Variants in PPP1R8 observed in about 807,000 individuals in gnomAD.
PPP1R8 encodes protein phosphatase 1 regulatory subunit 8.
PPP1R8 carries 4 observed loss-of-function variants against 31.3 expected under a neutral mutation model. The observed-to-expected ratio is 0.13, with a 90% CI of 0.06 to 0.29. PPP1R8 has a LOEUF of 0.29. Ranked by LOEUF, PPP1R8 falls within the 10% of genes least tolerant of loss-of-function variation. The pLI is 1.00. For missense variants in PPP1R8, 254 were observed against 440.1 expected, an observed-to-expected ratio of 0.58 and a Z score of 3.78; for synonymous variants, 170 against 169.7, an observed-to-expected ratio of 1.00 and a Z score of -0.01.
chr1:27,834,748 C>T (rs982534621), intron 2 of PPP1R8, among the ~76,000 whole-genome samples: 3 of 152,128 alleles, frequency 2.0e-5, no homozygotes, highest in African/African-American at 7.2e-5. Context: ...GGTGCGGTGG[C>T]GGCTCACACC....
At chr1:27,845,673 A>G (rs1350362170) in intron 5 of PPP1R8, among the ~76,000 whole-genome samples, 1 of 151,974 alleles carries the variant, frequency 6.6e-6, no homozygotes, top group Non-Finnish European at 1.5e-5. Context: ...ATGTGAAAAA[A>G]TCCAGACTTA....
At chr1:27,837,153 C>T (rs1420764915) in intron 2 of PPP1R8, among the ~76,000 whole-genome samples, 1 of 152,054 alleles carries the variant, frequency 6.6e-6, no homozygotes, top group Non-Finnish European at 1.5e-5. Flanking sequence ...GATCTCAGGC[C>T]AGGCACGGTG....
chr1:27,849,228 A>T (rs1381180481), intron 6 of PPP1R8, among the ~76,000 whole-genome samples: 1 of 151,912 alleles, frequency 6.6e-6, no homozygotes. Context: ...AAAATTAGCC[A>T]GGCGTGGTGG....
chr1:27,836,899 T>C (rs1399804239), intron 2 of PPP1R8, among the ~76,000 whole-genome samples: 1 of 152,048 alleles, frequency 6.6e-6, no homozygotes, highest in Non-Finnish European at 1.5e-5. Flanking sequence ...CAAAAATACT[T>C]TGGGACTATG....
chr1:27,831,734 T>C (rs2089110720), intron 1 of PPP1R8, among the ~76,000 whole-genome samples: 2 of 152,160 alleles, frequency 1.3e-5, no homozygotes, highest in Admixed American at 1.3e-4. Flanking sequence ...CATTCCTCCT[T>C]TTTCCTGGAC....
At chr1:27,836,072 T>G (rs1264311069) in intron 2 of PPP1R8, among the ~76,000 whole-genome samples, 1 of 152,272 alleles carries the variant, frequency 6.6e-6, no homozygotes, top group Non-Finnish European at 1.5e-5. Flanking sequence ...GAATGAAATA[T>G]AAGCTTCTTG....
chr1:27,842,753 C>A (rs2089235366), intron 4 of PPP1R8, among the ~76,000 whole-genome samples: 1 of 152,148 alleles, frequency 6.6e-6, no homozygotes, highest in Non-Finnish European at 1.5e-5. Flanking sequence ...AGGAAGCAGC[C>A]AGTTGTCCTT....
chr1:27,837,749 T>C (rs1206339693), intron 2 of PPP1R8, among the ~76,000 whole-genome samples: 1 of 147,006 alleles, frequency 6.8e-6, no homozygotes, highest in Non-Finnish European at 1.5e-5. Context: ...CACTCCAGAC[T>C]GGGCGACAGA....
At chr1:27,842,231 A>G (rs894433828) in intron 4 of PPP1R8, among the ~76,000 whole-genome samples, 2 of 151,792 alleles carry the variant, frequency 1.3e-5, no homozygotes, top group Non-Finnish European at 2.9e-5. Flanking sequence ...AATCCCAGCT[A>G]CTCAGGAGGC....
chr1:27,849,829 C>G (rs2148621251), intron 6 of PPP1R8, among the ~76,000 whole-genome samples: 1 of 152,302 alleles, frequency 6.6e-6, no homozygotes, highest in South Asian at 2.1e-4. Flanking sequence ...ACTCACAACA[C>G]CATCCTTGGC....
chr1:27,833,022 C>T (rs1291067921), intron 2 of PPP1R8, among the ~76,000 whole-genome samples: 2 of 152,060 alleles, frequency 1.3e-5, no homozygotes, highest in Non-Finnish European at 2.9e-5. Context: ...TGTGACTTCT[C>T]TCAAATGAAG....
At chr1:27,832,691 C>A in intron 1 of PPP1R8, 65 bp from the exon 2 acceptor site, 1 of 1,378,780 alleles carries the variant, frequency 7.3e-7, no homozygotes, top group Admixed American at 1.9e-5. Flanking sequence ...TTGAATGGGA[C>A]AATGGTTGTA....
Position 27,851,466 on chromosome 1 carries a change from C to A in PPP1R8, c.*1020C>A. 2.2e-6 allele frequency: 1 copy of A among 446,736 alleles called. No homozygotes were observed. Among genetic ancestry groups the A allele is most frequent in the South Asian group, 1.6e-5 (1 of 63,856 alleles). The allele number at this position is 446,736 out of a possible 1,614,324, so 27.7% of individuals were successfully genotyped here. A position where few individuals can be genotyped will look rare whatever the true frequency, so the allele number is the denominator to read the frequency against. ...CATTTGTGTAATAGGCCTTTTCATG[C>A]TTTATGTGTAGCTTTTTACCTGTAA... is the stretch of plus-strand genomic sequence containing the variant. On this transcript the variant is annotated 3_prime_UTR_variant, in exon 7 of 7. Coordinates refer to ENST00000311772, the MANE Select transcript of PPP1R8 (RefSeq NM_014110.5).
chr1:27,837,381 A>C (rs1439873242), intron 2 of PPP1R8, among the ~76,000 whole-genome samples: 4 of 151,208 alleles, frequency 2.6e-5, no homozygotes, highest in East Asian at 1.9e-4. Flanking sequence ...TAGTGAGCCG[A>C]GATCACGCCA....
chr1:27,838,210 CA>C (rs10719467), intron 2 of PPP1R8, among the ~76,000 whole-genome samples: 12,271 of 69,934 alleles, frequency 0.18, 2,054 homozygotes, highest in African/African-American at 0.47. Flanking sequence ...GACTCCATCT[CA>C]AAAAAAAAAA....
At chr1:27,849,193 G>T (rs1205976503) in intron 6 of PPP1R8, among the ~76,000 whole-genome samples, 1 of 152,050 alleles carries the variant, frequency 6.6e-6, no homozygotes, top group Non-Finnish European at 1.5e-5. Flanking sequence ...CCAACATGGA[G>T]AAACCCTGTC....
rs1210131619 is a variant in PPP1R8, at chr1:27,850,465, AGGGTGGGATT to A, written c.*28_*37del. On this transcript the variant is annotated 3_prime_UTR_variant, in exon 7 of 7. Transcript: ENST00000311772. Reference sequence around the variant, plus strand: ...GATTTGATATTTTTGGTCATGGAGAAGGGTGGGATTGGGTGGGAATGGGGTGGAAGGGTGA... The same window carrying A: ...GATTTGATATTTTTGGTCATGGAGAAGGGTGGGAATGGGGTGGAAGGGTGA... 6.3e-6 allele frequency: 3 copies of A among 476,836 alleles called. No homozygotes were observed. The highest frequency in any genetic ancestry group is 1.3e-5 in the Non-Finnish European group (3 of 231,222). 29.5% of individuals were successfully genotyped at this position (476,836 alleles called of 1,614,324 possible). A position where few individuals can be genotyped will look rare whatever the true frequency, so the allele number is the denominator to read the frequency against.
chr1:27,844,968 C>T (rs1346120652), intron 5 of PPP1R8, among the ~76,000 whole-genome samples: 2 of 128,080 alleles, frequency 1.6e-5, no homozygotes, highest in East Asian at 2.4e-4. Context: ...CTCCTGACCT[C>T]GTGATCCGCC....
At chr1:27,848,893 A>G (rs1394723822) in intron 6 of PPP1R8, among the ~76,000 whole-genome samples, 1 of 152,228 alleles carries the variant, frequency 6.6e-6, no homozygotes, top group Non-Finnish European at 1.5e-5. Flanking sequence ...AATAAAATCT[A>G]CACATTTACG....
Sources: gnomAD v4.1 joint callset for allele counts (sites outside exome capture counted in the v4.1 genomes callset) on GRCh38, gnomAD v4.1.1 for gene constraint, MANE v1.5 for transcripts, NCBI Gene and HGNC (gene_info 2026-07-23, HGNC 2026-07-21) for gene names.